ACER1: variants seen among roughly 807,000 people sequenced by gnomAD.
The protein encoded by ACER1 is alkaline ceramidase 1.
ACER1 carries 28 observed loss-of-function variants against 24.9 expected under a neutral mutation model. The ratio of observed to expected loss-of-function variants is 1.13; its 90% CI spans 0.83 to 1.54. The LOEUF (loss-of-function observed/expected upper bound fraction) is 1.54, where lower values mean the gene tolerates loss of function less well. Ranked by LOEUF, ACER1 falls within the 40% of genes most tolerant of loss-of-function variation. ACER1 has a pLI of 0.00. For missense variants in ACER1, 352 were observed against 349.3 expected (o/e 1.01, Z -0.06); for synonymous variants, 132 against 131.4 (o/e 1.00, Z -0.03).
chr19:6,323,141 C>T (rs10425261), intron 1 of ACER1, among the ~76,000 whole-genome samples: 22,135 of 151,326 alleles, frequency 0.15, 3,629 homozygotes, highest in African/African-American at 0.41. Context: ...ACAAAACAGG[C>T]AGGGCGCAGT....
At chr19:6,342,463 T>TA in the ACER1 span, among the ~76,000 whole-genome samples, 2 of 151,974 alleles carry the variant, frequency 1.3e-5, no homozygotes, top group Non-Finnish European at 2.9e-5. Flanking sequence ...CTCACACCTG[T>TA]AATCCCAGCA....
At chr19:6,332,133 AT>A (rs2145020653) in intron 1 of ACER1, among the ~76,000 whole-genome samples, 1 of 151,616 alleles carries the variant, frequency 6.6e-6, no homozygotes, top group African/African-American at 2.4e-5. Context: ...AACCTGGCTA[AT>A]TTTTGTATTT....
At chr19:6,339,694 G>A in the ACER1 span, among the ~76,000 whole-genome samples, 1 of 152,118 alleles carries the variant, frequency 6.6e-6, no homozygotes, top group Non-Finnish European at 1.5e-5. Flanking sequence ...TTGAGATGGA[G>A]TCTCTCTCTG....
intron 1 of ACER1, among the ~76,000 whole-genome samples, chr19:6,327,641 C>T (rs1413809115): frequency 6.6e-6 from 1 of 151,770 alleles, no homozygotes; most frequent in Non-Finnish European, 1.5e-5. Flanking sequence ...ACTCTTTGGC[C>T]TGTGGGCAAA....
chr19:6,312,530 C>T (rs752840357), intron 1 of ACER1, 31 bp from the exon 2 acceptor site: 4 of 1,576,736 alleles, frequency 2.5e-6, no homozygotes, highest in South Asian at 1.1e-5. Context: ...GGGAGGAGCT[C>T]GTCAGATAGG....
chr19:6,322,201 T>C (rs1451834695), intron 1 of ACER1, among the ~76,000 whole-genome samples: 2 of 152,164 alleles, frequency 1.3e-5, no homozygotes, highest in Non-Finnish European at 2.9e-5. Flanking sequence ...GTCAACAAGA[T>C]TTATATACAA....
chr19:6,346,244 T>G, the ACER1 span, among the ~76,000 whole-genome samples: 1 of 152,172 alleles, frequency 6.6e-6, no homozygotes, highest in Non-Finnish European at 1.5e-5. Context: ...TGTATTTTTA[T>G]GTGCTAAATC....
chr19:6,310,834 C>T lies in ACER1; in HGVS notation c.351-1000G>A, dbSNP rs181356499. Among the ~76,000 whole-genome samples, 461 of 149,008 alleles carry T rather than the reference C, an allele frequency of 3.1e-3. 4 individuals are homozygous for T. The highest frequency in any genetic ancestry group is 0.01 in the African/African-American group (410 of 40,256). On this transcript the variant is annotated intron_variant, in intron 3 of 5. Transcript: ENST00000301452. ...TGGAGGTTGCAGCAAGCTAAGATTG[C>T]GCCACTGCACTCCAGCCTGGGGGAC...
the ACER1 span, among the ~76,000 whole-genome samples, chr19:6,342,200 A>G: frequency 0.056 from 8,539 of 151,640 alleles, 402 homozygotes; most frequent in African/African-American, 0.13. Flanking sequence ...TATTGTGTCC[A>G]TATTTATTTT....
intron 1 of ACER1, among the ~76,000 whole-genome samples, chr19:6,315,318 C>T (rs1292888943): frequency 6.6e-6 from 1 of 152,032 alleles, no homozygotes; most frequent in African/African-American, 2.4e-5. Context: ...ATCCTCCCAC[C>T]TCAGCCCTCC....
chr19:6,348,482 A>G, the ACER1 span, among the ~76,000 whole-genome samples: 10 of 151,644 alleles, frequency 6.6e-5, no homozygotes, highest in South Asian at 6.2e-4. Flanking sequence ...AAAAAAAAAA[A>G]AAGAAGATTA....
chr19:6,318,471 C>A (rs2091614226), intron 1 of ACER1, among the ~76,000 whole-genome samples: 1 of 148,142 alleles, frequency 6.8e-6, no homozygotes. Context: ...TCTGTCCCCC[C>A]AAAATAAATA....
the ACER1 span, among the ~76,000 whole-genome samples, chr19:6,350,050 G>A: frequency 6.6e-6 from 1 of 152,140 alleles, no homozygotes; most frequent in South Asian, 2.1e-4. Context: ...AGGATCGCTT[G>A]AGTCCAGGAG....
At chr19:6,354,374 G>A in the ACER1 span, among the ~76,000 whole-genome samples, 5 of 152,056 alleles carry the variant, frequency 3.3e-5, no homozygotes, top group East Asian at 9.6e-4. Context: ...GTGGAGGCCA[G>A]AGATGCTGCT....
intron 1 of ACER1, among the ~76,000 whole-genome samples, chr19:6,319,014 G>A (rs1400695271): frequency 6.6e-6 from 1 of 151,866 alleles, no homozygotes; most frequent in Non-Finnish European, 1.5e-5. Flanking sequence ...GCAGGCTGAT[G>A]CGGGCCATGC....
At chr19:6,314,326 T>C (rs1201256183) in intron 1 of ACER1, among the ~76,000 whole-genome samples, 2 of 151,320 alleles carry the variant, frequency 1.3e-5, no homozygotes, top group East Asian at 3.9e-4. Flanking sequence ...AAAAAATAGC[T>C]GGGTGTAGTG....
the ACER1 span, among the ~76,000 whole-genome samples, chr19:6,344,226 G>A: frequency 1.3e-5 from 2 of 151,888 alleles, no homozygotes; most frequent in Non-Finnish European, 2.9e-5. Flanking sequence ...CCGAGATTGC[G>A]CCACTGCACT....
chr19:6,349,522 A>AAAGGAAGG, the ACER1 span, among the ~76,000 whole-genome samples: 6,416 of 145,910 alleles, frequency 0.044, 303 homozygotes, highest in African/African-American at 0.091. Flanking sequence ...GGAAGGAAGG[A>AAAGGAAGG]AAGGAAGGGA....
the ACER1 span, among the ~76,000 whole-genome samples, chr19:6,356,103 G>C: frequency 6.6e-6 from 1 of 151,326 alleles, no homozygotes; most frequent in Non-Finnish European, 1.5e-5. Context: ...AGACACGGGA[G>C]ACTTTTCATT....
Sources: allele counts gnomAD v4.1 joint callset (sites outside exome capture counted in the v4.1 genomes callset), GRCh38; gene constraint gnomAD v4.1.1; transcripts MANE v1.5; gene names NCBI Gene and HGNC (gene_info 2026-07-23, HGNC 2026-07-21).